Variants in RALYL observed in about 807,000 individuals in gnomAD.
The protein encoded by RALYL is RNA-binding Raly-like protein.
RALYL carries 29 observed loss-of-function variants against 35.1 expected under a neutral mutation model. The ratio of observed to expected loss-of-function variants is 0.83; its 90% CI spans 0.61 to 1.13. RALYL has a LOEUF of 1.13. RALYL is among the 50% of genes most tolerant of loss of function. RALYL has a pLI of 0.00. For synonymous variants in RALYL, 120 were observed against 127.6 expected (o/e 0.94, Z 0.40); for missense variants, 359 against 360.4 (o/e 1.00, Z 0.03).
chr8:84,489,947 A>C (rs773264769), intron 1 of RALYL, among the ~76,000 whole-genome samples: 5 of 152,060 alleles, frequency 3.3e-5, no homozygotes, highest in Non-Finnish European at 4.4e-5. Context: ...AAATCATGAA[A>C]GACCATATCC....
At chr8:84,885,803 C>G (rs1437829206) in intron 7 of RALYL, among the ~76,000 whole-genome samples, 1 of 152,146 alleles carries the variant, frequency 6.6e-6, no homozygotes, top group Non-Finnish European at 1.5e-5. Context: ...CAACAGGCCT[C>G]TTGATCTAAG....
intron 1 of RALYL, among the ~76,000 whole-genome samples, chr8:84,417,868 A>G (rs771850199): frequency 1.7e-4 from 26 of 152,116 alleles, no homozygotes; most frequent in Non-Finnish European, 2.9e-4. Flanking sequence ...TAAAAATTCT[A>G]TTGATAGTCT....
At chr8:84,684,849 T>C (rs1012551196) in intron 2 of RALYL, among the ~76,000 whole-genome samples, 2 of 152,168 alleles carry the variant, frequency 1.3e-5, no homozygotes. Context: ...CAAATTGTCA[T>C]AGATAGGGAA....
intron 8 of RALYL, among the ~76,000 whole-genome samples, chr8:84,905,979 C>A (rs944348287): frequency 1.3e-5 from 2 of 152,058 alleles, no homozygotes. Context: ...ATACCAGAAG[C>A]TATTTATTTC....
intron 1 of RALYL, among the ~76,000 whole-genome samples, chr8:84,211,792 T>A (rs2131173521): frequency 6.6e-6 from 1 of 152,184 alleles, no homozygotes. Context: ...AGATTTAGAA[T>A]TATAGAAAAT....
At chr8:84,893,212 A>C (rs1390275056) in intron 8 of RALYL, among the ~76,000 whole-genome samples, 1 of 152,232 alleles carries the variant, frequency 6.6e-6, no homozygotes, top group African/African-American at 2.4e-5. Context: ...AAAATTGAAT[A>C]AACAATATTC....
At chr8:84,555,096 T>G (rs943209297) in intron 2 of RALYL, among the ~76,000 whole-genome samples, 1 of 152,086 alleles carries the variant, frequency 6.6e-6, no homozygotes, top group African/African-American at 2.4e-5. Flanking sequence ...CTGACCAACA[T>G]GGTGAAACCC....
intron 1 of RALYL, among the ~76,000 whole-genome samples, chr8:84,403,629 T>C (rs538161012): frequency 6.7e-6 from 1 of 149,360 alleles, no homozygotes; most frequent in South Asian, 2.2e-4. Flanking sequence ...TGCCTCCAGC[T>C]TTGTTCTTTT....
At chr8:84,452,247 C>T (rs1272789131) in intron 1 of RALYL, among the ~76,000 whole-genome samples, 6 of 132,684 alleles carry the variant, frequency 4.5e-5, no homozygotes, top group Non-Finnish European at 6.6e-5. Context: ...TTTTTTTTTT[C>T]CCCTAAGTTG....
chr8:84,320,760 A>G (rs947712271), intron 1 of RALYL, among the ~76,000 whole-genome samples: 2 of 152,072 alleles, frequency 1.3e-5, no homozygotes, highest in South Asian at 2.1e-4. Context: ...TTTCTGGTTC[A>G]TGCAAATAAA....
intron 6 of RALYL, 70 bp from the exon 7 acceptor site, chr8:84,873,214 G>C (rs879382750): frequency 1.3e-6 from 1 of 756,366 alleles, no homozygotes; most frequent in Non-Finnish European, 2.2e-6. Context: ...GGGTCCCTGT[G>C]AGTTCGGTCC....
At chr8:84,367,987 G>A (rs1459001108) in intron 1 of RALYL, among the ~76,000 whole-genome samples, 2 of 152,060 alleles carry the variant, frequency 1.3e-5, no homozygotes, top group African/African-American at 4.8e-5. Flanking sequence ...TGGTAATGAG[G>A]GAATGTCTTA....
At chr8:84,537,645 T>C (rs1269485979) in intron 2 of RALYL, among the ~76,000 whole-genome samples, 2 of 152,180 alleles carry the variant, frequency 1.3e-5, no homozygotes, top group African/African-American at 4.8e-5. Flanking sequence ...CAGTGGCTTG[T>C]AGTAATGTTT....
At chr8:84,628,233 G>T (rs1823177507) in intron 2 of RALYL, among the ~76,000 whole-genome samples, 1 of 151,914 alleles carries the variant, frequency 6.6e-6, no homozygotes, top group African/African-American at 2.4e-5. Flanking sequence ...CTCAGCCCAT[G>T]AATATTTTCT....
At chr8:84,673,635 A>C (rs1833674032) in intron 2 of RALYL, among the ~76,000 whole-genome samples, 1 of 152,158 alleles carries the variant, frequency 6.6e-6, no homozygotes, top group Admixed American at 6.5e-5. Context: ...TGAATAGGGA[A>C]TCCTCTCCCC....
intron 8 of RALYL, among the ~76,000 whole-genome samples, chr8:84,893,080 C>G (rs566344919): frequency 6.6e-6 from 1 of 152,054 alleles, no homozygotes; most frequent in Non-Finnish European, 1.5e-5. Context: ...AAGAACCATA[C>G]AAAAAACATA....
chr8:84,315,060 C>T (rs555135254), intron 1 of RALYL, among the ~76,000 whole-genome samples: 1 of 152,148 alleles, frequency 6.6e-6, no homozygotes, highest in Non-Finnish European at 1.5e-5. Context: ...TCTGTGGGTA[C>T]ATTCCTATAT....
At chr8:84,718,660 G>C (rs1435773407) in intron 2 of RALYL, among the ~76,000 whole-genome samples, 1 of 151,934 alleles carries the variant, frequency 6.6e-6, no homozygotes, top group Non-Finnish European at 1.5e-5. Flanking sequence ...AGCTGTGAAG[G>C]AGGCTGAGGC....
At chr8:84,230,430 A>G (rs1286086272) in intron 1 of RALYL, among the ~76,000 whole-genome samples, 2 of 152,278 alleles carry the variant, frequency 1.3e-5, no homozygotes, top group South Asian at 2.1e-4. Flanking sequence ...ATGATTAAAC[A>G]GAACTTTCTG....
Sources: gnomAD v4.1 joint callset for allele counts (sites outside exome capture counted in the v4.1 genomes callset) on GRCh38, gnomAD v4.1.1 for gene constraint, MANE v1.5 for transcripts, NCBI Gene and HGNC (gene_info 2026-07-23, HGNC 2026-07-21) for gene names.